Variants in NKAIN2 observed in about 807,000 individuals in gnomAD.
NKAIN2 encodes the protein sodium/potassium-transporting ATPase subunit beta-1-interacting protein 2.
Under a neutral mutation model 32.6 loss-of-function variants are expected in NKAIN2, and 14 were observed. The observed-to-expected ratio is 0.43, with a 90% CI of 0.28 to 0.67. NKAIN2 has a LOEUF of 0.67. Among genes scored for constraint, NKAIN2 ranks in the 30% least tolerant of loss-of-function variants. The pLI is 0.17. For synonymous variants in NKAIN2, 80 were observed against 87.2 expected (o/e 0.92, Z 0.46); for missense variants, 198 against 258.3 (o/e 0.77, Z 1.60).
At chr6:123,816,411 C>T (rs558062831) in intron 1 of NKAIN2, among the ~76,000 whole-genome samples, 3 of 152,266 alleles carry the variant, frequency 2.0e-5, no homozygotes, top group African/African-American at 7.2e-5. Context: ...GGGTTTGGAG[C>T]AAGCCCTGTG....
intron 1 of NKAIN2, among the ~76,000 whole-genome samples, chr6:124,216,446 A>C (rs1791482252): frequency 6.6e-6 from 1 of 152,210 alleles, no homozygotes; most frequent in African/African-American, 2.4e-5. Flanking sequence ...AAGCAGCCAA[A>C]AATTTGAGAT....
intron 5 of NKAIN2, among the ~76,000 whole-genome samples, chr6:124,800,527 G>A (rs908029111): frequency 3.3e-5 from 5 of 152,072 alleles, no homozygotes; most frequent in African/African-American, 7.2e-5. Flanking sequence ...CAGGAGGTGC[G>A]GTTTGTTTAA....
intron 4 of NKAIN2, among the ~76,000 whole-genome samples, chr6:124,671,996 C>CAATG (rs1773125291): frequency 1.3e-5 from 2 of 151,536 alleles, no homozygotes; most frequent in Admixed American, 1.3e-4. Context: ...TTTTTCCTGT[C>CAATG]AATGAGCCCA....
chr6:124,547,325 TA>T (rs1780130086), intron 3 of NKAIN2, among the ~76,000 whole-genome samples: 1 of 152,132 alleles, frequency 6.6e-6, no homozygotes, highest in South Asian at 2.1e-4. Context: ...GCAGTTCAAG[TA>T]AAATAGAAAG....
intron 1 of NKAIN2, among the ~76,000 whole-genome samples, chr6:123,862,548 T>G (rs1018683635): frequency 6.6e-6 from 1 of 152,186 alleles, no homozygotes; most frequent in Admixed American, 6.5e-5. Flanking sequence ...TGTAGCATCT[T>G]AGCATCCCCG....
At chr6:124,558,422 G>A (rs544255915) in intron 3 of NKAIN2, among the ~76,000 whole-genome samples, 11 of 151,938 alleles carry the variant, frequency 7.2e-5, no homozygotes, top group African/African-American at 1.9e-4. Context: ...TTTTTTCATC[G>A]TTGTTTTCCT....
chr6:124,019,972 T>TG (rs1780793103), intron 1 of NKAIN2, among the ~76,000 whole-genome samples: 1 of 152,220 alleles, frequency 6.6e-6, no homozygotes, highest in Non-Finnish European at 1.5e-5. Context: ...TTAATAAACT[T>TG]GAATAGTCTC....
intron 1 of NKAIN2, among the ~76,000 whole-genome samples, chr6:124,105,501 T>C (rs1356638307): frequency 1.3e-5 from 2 of 152,088 alleles, no homozygotes; most frequent in African/African-American, 2.4e-5. Context: ...AGACTGTAGT[T>C]GAGACTACAG....
chr6:123,984,724 AC>A (rs954944499), intron 1 of NKAIN2, among the ~76,000 whole-genome samples: 1 of 152,192 alleles, frequency 6.6e-6, no homozygotes, highest in African/African-American at 2.4e-5. Flanking sequence ...AAGATTTAAA[AC>A]ATTTGCCTAG....
At chr6:124,602,880 T>G (rs1423301336) in intron 3 of NKAIN2, among the ~76,000 whole-genome samples, 1 of 151,950 alleles carries the variant, frequency 6.6e-6, no homozygotes, top group Non-Finnish European at 1.5e-5. Flanking sequence ...TGACCTTATC[T>G]GCAATAATTG....
At chr6:124,472,274 T>C (rs1253383688) in intron 3 of NKAIN2, among the ~76,000 whole-genome samples, 2 of 152,198 alleles carry the variant, frequency 1.3e-5, no homozygotes, top group Non-Finnish European at 2.9e-5. Flanking sequence ...TTACAAATGA[T>C]TTGTTTAGCA....
chr6:124,415,475 G>T (rs181802006), intron 3 of NKAIN2, among the ~76,000 whole-genome samples: 1 of 152,194 alleles, frequency 6.6e-6, no homozygotes, highest in East Asian at 1.9e-4. Flanking sequence ...ACCCACATGC[G>T]TTCAGCTATC....
intron 6 of NKAIN2, among the ~76,000 whole-genome samples, chr6:124,819,601 C>G (rs1458484762): frequency 6.6e-6 from 1 of 152,160 alleles, no homozygotes; most frequent in Non-Finnish European, 1.5e-5. Flanking sequence ...TTTTCGGTCT[C>G]TTCCTTATTT....
intron 1 of NKAIN2, among the ~76,000 whole-genome samples, chr6:124,217,952 A>G (rs1274456826): frequency 1.3e-5 from 2 of 152,126 alleles, no homozygotes; most frequent in African/African-American, 2.4e-5. Flanking sequence ...CAGTAACACT[A>G]TTGGCAATTT....
chr6:123,833,252 A>G (rs1009891898), intron 1 of NKAIN2, among the ~76,000 whole-genome samples: 4 of 152,234 alleles, frequency 2.6e-5, no homozygotes, highest in African/African-American at 7.2e-5. Flanking sequence ...ATCATTGACT[A>G]TATCTGTGTA....
chr6:124,197,848 T>G (rs1790391982), intron 1 of NKAIN2, among the ~76,000 whole-genome samples: 1 of 151,094 alleles, frequency 6.6e-6, no homozygotes, highest in Admixed American at 6.6e-5. Context: ...TTTTTTTTTT[T>G]TTTTTTTTTC....
chr6:123,872,008 T>G (rs986586216), intron 1 of NKAIN2, among the ~76,000 whole-genome samples: 2 of 152,200 alleles, frequency 1.3e-5, no homozygotes, highest in African/African-American at 4.8e-5. Flanking sequence ...CCCCTTCCAA[T>G]TTTGACATCC....
chr6:124,137,423 G>T (rs979516800), intron 1 of NKAIN2, among the ~76,000 whole-genome samples: 14 of 152,060 alleles, frequency 9.2e-5, no homozygotes, highest in Admixed American at 3.9e-4. Flanking sequence ...TTGTGACAAT[G>T]ACCATGCTGC....
chr6:123,900,532 G>GGTTT (rs1774516637), intron 1 of NKAIN2, among the ~76,000 whole-genome samples: 2 of 32,764 alleles, frequency 6.1e-5, no homozygotes, highest in Non-Finnish European at 1.1e-4. Context: ...CTCCAGATTA[G>GGTTT]TTTTTTTTTT....
Sources: allele counts gnomAD v4.1 joint callset (sites outside exome capture counted in the v4.1 genomes callset), GRCh38; gene constraint gnomAD v4.1.1; transcripts MANE v1.5; gene names NCBI Gene and HGNC (gene_info 2026-07-23, HGNC 2026-07-21).